Variants in RBFOX1 observed in about 807,000 individuals in gnomAD.
RBFOX1 encodes the protein RNA binding fox-1 homolog 1, also known as RNA binding protein fox-1 homolog 1.
In RBFOX1, 8 loss-of-function variants were observed where a neutral mutation model predicts 57.7. The observed-to-expected ratio is 0.14, with a 90% CI of 0.08 to 0.25. RBFOX1 has a LOEUF of 0.25. Ranked by LOEUF, RBFOX1 falls within the 10% of genes least tolerant of loss-of-function variation. The pLI is 1.00. For synonymous variants in RBFOX1, 326 were observed against 222.4 expected, an observed-to-expected ratio of 1.47 and a Z score of -4.15; for missense variants, 611 against 548.5, an observed-to-expected ratio of 1.11 and a Z score of -1.14.
chr16:6,976,236 G>T (rs771590273), intron 3 of RBFOX1, among the ~76,000 whole-genome samples: 6 of 152,110 alleles, frequency 3.9e-5, no homozygotes, highest in Non-Finnish European at 7.4e-5. Flanking sequence ...TTACATAGGG[G>T]AAACTGAGGC....
intron 4 of RBFOX1, among the ~76,000 whole-genome samples, chr16:7,198,196 G>A (rs1035953460): frequency 6.6e-6 from 1 of 151,738 alleles, no homozygotes; most frequent in Non-Finnish European, 1.5e-5. Context: ...TAGTAGAGAC[G>A]GGGTTTCACC....
intron 4 of RBFOX1, among the ~76,000 whole-genome samples, chr16:7,153,562 C>G (rs1167449316): frequency 1.3e-5 from 2 of 151,176 alleles, no homozygotes; most frequent in Non-Finnish European, 2.9e-5. Flanking sequence ...AGTGAAACCC[C>G]ATCTCTACTG....
intron 1 of RBFOX1, among the ~76,000 whole-genome samples, chr16:5,273,008 T>C (rs8047163): frequency 0.19 from 29,396 of 152,146 alleles, 3,254 homozygotes; most frequent in African/African-American, 0.3. Flanking sequence ...AACTCTTGGC[T>C]CCTGGATGCA....
intron 14 of RBFOX1, among the ~76,000 whole-genome samples, chr16:7,692,205 G>C (rs566776413): frequency 6.6e-6 from 1 of 152,036 alleles, no homozygotes; most frequent in Non-Finnish European, 1.5e-5. Flanking sequence ...TGTTATGTAG[G>C]AGAAAAGTAC....
intron 3 of RBFOX1, among the ~76,000 whole-genome samples, chr16:6,914,564 A>G (rs201892364): frequency 0.21 from 31,334 of 149,246 alleles, 3,306 homozygotes; most frequent in Non-Finnish European, 0.22. Flanking sequence ...AAACAAAAAT[A>G]AAAAAAAAAA....
intron 4 of RBFOX1, among the ~76,000 whole-genome samples, chr16:7,234,819 G>A (rs767055514): frequency 6.6e-6 from 1 of 151,970 alleles, no homozygotes; most frequent in Non-Finnish European, 1.5e-5. Flanking sequence ...AATATGCAAG[G>A]CACCCCATTT....
At position 7,417,372 on chromosome 16, in the gene RBFOX1, CAAAG is replaced by C. The variant is rs1200245032; in HGVS notation, c.28-100771_28-100768del. On this transcript the variant is annotated intron_variant, in intron 4 of 15. Transcript: ENST00000550418. Reference sequence around the variant, plus strand: ...TGGGCAACAGAGCGAGACTCTGTGTCAAAGAAAAAAAAAAAAAAGAGATGACCCC... The same window carrying C: ...TGGGCAACAGAGCGAGACTCTGTGTCAAAAAAAAAAAAAAGAGATGACCCC... 4.9e-4 allele frequency among the ~76,000 whole-genome samples: 60 copies of C among 122,664 alleles called. 2 individuals carry two copies. The highest frequency in any genetic ancestry group is 8.4e-4 in the Non-Finnish European group (51 of 60,892). The allele number at this position is 122,664 out of a possible 152,430, so 80.5% of individuals were successfully genotyped here.
chr16:7,635,423 A>G (rs1220132812), intron 11 of RBFOX1, among the ~76,000 whole-genome samples: 1 of 152,208 alleles, frequency 6.6e-6, no homozygotes, highest in African/African-American at 2.4e-5. Flanking sequence ...GAAGTGTGCA[A>G]ATAAACATAC....
intron 2 of RBFOX1, among the ~76,000 whole-genome samples, chr16:5,521,217 G>T (rs1287921787): frequency 6.6e-6 from 1 of 152,100 alleles, no homozygotes; most frequent in Non-Finnish European, 1.5e-5. Context: ...GAGGTTTAGT[G>T]TCACCACCAG....
In RBFOX1 at chr16:7,157,134, C is replaced by G. The variant is rs549751151; in HGVS notation, c.27+105036C>G. On this transcript the variant is annotated intron_variant, in intron 4 of 15. Coordinates refer to ENST00000550418, the MANE Select transcript of RBFOX1 (RefSeq NM_018723.4). ...GTGTGGGAGAAAGCAATCGTATTCT[C>G]ATTGGCACAGGATAAGGGAAGCAAA... is the stretch of plus-strand genomic sequence containing the variant. Among the ~76,000 whole-genome samples the G allele has an allele frequency of 2.0e-5, 3 of 152,276 alleles. No individual in the cohort carries two copies. In the South Asian group the frequency reaches 6.2e-4, roughly 32 times the overall value.
At chr16:7,590,780 A>AC (rs1360535660) in intron 7 of RBFOX1, among the ~76,000 whole-genome samples, 1 of 150,566 alleles carries the variant, frequency 6.6e-6, no homozygotes, top group Non-Finnish European at 1.5e-5. Flanking sequence ...AATCACTTGA[A>AC]CCCGGGGGGT....
intron 14 of RBFOX1, among the ~76,000 whole-genome samples, chr16:7,678,216 T>C (rs1366863024): frequency 6.6e-6 from 1 of 152,176 alleles, no homozygotes; most frequent in African/African-American, 2.4e-5. Flanking sequence ...AGGTTCTCAA[T>C]ACATAAATTA....
chr16:6,949,935 G>GT (rs113719263), intron 3 of RBFOX1, among the ~76,000 whole-genome samples: 34,647 of 145,268 alleles, frequency 0.24, 4,134 homozygotes, highest in Middle Eastern at 0.32. Flanking sequence ...CCCTGAGTAC[G>GT]TTTTTTTGTT....
intron 3 of RBFOX1, chr16:5,610,789 G>A (rs1469587301): frequency 1.3e-5 from 2 of 152,218 alleles, no homozygotes; most frequent in African/African-American, 4.8e-5. Flanking sequence ...GATCGCTTGA[G>A]CCCAGGAGAT....
rs1216501864 is a variant in RBFOX1, at chr16:6,097,966, C to G, written c.-127+77974C>G. 2.6e-5 allele frequency among the ~76,000 whole-genome samples: 4 copies of G among 152,120 alleles called. No individual in the cohort carries two copies. The highest frequency in any genetic ancestry group is 2.0e-4 in the Admixed American group (3 of 15,284). On this transcript the variant is annotated intron_variant, in intron 1 of 15. Coordinates refer to ENST00000550418, the MANE Select transcript of RBFOX1 (RefSeq NM_018723.4). This position sits in a 1 kb window ranked among gnomAD's most constrained non-coding sequence, Gnocchi z 5.0. The stretch of plus-strand genomic sequence containing the variant: ...AAACCATAGATGATCAGGGCCCCTG[C>G]TTGGTCTAGGATGGAGCCTGCAATT...
chr16:5,430,560 C>T (rs1254390818), intron 1 of RBFOX1, among the ~76,000 whole-genome samples: 3 of 152,156 alleles, frequency 2.0e-5, no homozygotes, highest in Admixed American at 6.5e-5. Flanking sequence ...GTTCATGAAC[C>T]TGTCCAGGAT....
In RBFOX1 at chr16:5,947,319, G is replaced by C. The variant is rs535866515; in HGVS notation, c.351+79984G>C. Among the ~76,000 whole-genome samples the C allele has an allele frequency of 1.3e-5, 2 of 152,174 alleles. No individual in the cohort carries two copies. Among genetic ancestry groups the C allele is most frequent in the African/African-American group, 4.8e-5 (2 of 41,434 alleles). ...CAGAGGGGGAGGTCAGATCGCCATCGAATGGACACCTCTTTTTACAACCAT... is the reference window on the plus strand; with the variant it reads ...CAGAGGGGGAGGTCAGATCGCCATCCAATGGACACCTCTTTTTACAACCAT... On this transcript the variant is annotated intron_variant, in intron 4 of 19. Coordinates refer to the RBFOX1 transcript ENST00000641259. The surrounding 1 kb of genome is among the most constrained non-coding windows in gnomAD (Gnocchi z 7.2).
chr16:5,429,709 G>A (rs147336820), intron 1 of RBFOX1, among the ~76,000 whole-genome samples: 2,035 of 152,274 alleles, frequency 0.013, 18 homozygotes, highest in Non-Finnish European at 0.022. Context: ...CTTCAAAACC[G>A]TCTCAAATAC....
intron 3 of RBFOX1, among the ~76,000 whole-genome samples, chr16:5,613,810 T>C (rs1284201906): frequency 6.6e-6 from 1 of 152,118 alleles, no homozygotes; most frequent in Non-Finnish European, 1.5e-5. Flanking sequence ...TGGGGTTTTT[T>C]TTTTTCTTCC....
Sources: gnomAD v4.1 joint callset for allele counts (sites outside exome capture counted in the v4.1 genomes callset) on GRCh38, gnomAD v4.1.1 for gene constraint, Gnocchi (gnomAD v3.1) non-coding constraint, MANE v1.5 for transcripts, NCBI Gene and HGNC (gene_info 2026-07-23, HGNC 2026-07-21) for gene names.